Variants in MARK4 observed in about 807,000 individuals in gnomAD.
MARK4 encodes the protein microtubule affinity regulating kinase 4, also known as MAP/microtubule affinity-regulating kinase 4.
In MARK4, 19 loss-of-function variants were observed where a neutral mutation model predicts 81.5. The ratio of observed to expected loss-of-function variants is 0.23; its 90% CI spans 0.16 to 0.34. The LOEUF is 0.34. MARK4 is among the 10% of genes least tolerant of loss of function. MARK4 has a pLI of 1.00. For missense variants in MARK4, 772 were observed against 1,058.8 expected, an observed-to-expected ratio of 0.73 and a Z score of 3.76; for synonymous variants, 436 against 439.0, an observed-to-expected ratio of 0.99 and a Z score of 0.08.
chr19:45,286,911 G>A (rs536087789), intron 12 of MARK4, among the ~76,000 whole-genome samples: 24 of 152,116 alleles, frequency 1.6e-4, no homozygotes, highest in African/African-American at 4.6e-4. Context: ...TTTCCAGTCC[G>A]TCATGAAGAT....
Position 45,259,106 on chromosome 19 carries a change from G to A in MARK4, c.169G>A (p.Gly57Ser). 6.2e-7 allele frequency: 1 copy of A among 1,614,142 alleles called. No individual in the cohort carries two copies. The highest frequency in any genetic ancestry group is 1.1e-5 in the South Asian group (1 of 91,082). Residue 57 changes from glycine to serine, a missense_variant, in exon 2 of 17, where the codon GGC (glycine) becomes AGC (serine). Gly to Ser is a moderately conservative substitution (Grantham distance 56). This residue lies in a region of MARK4 where 115 missense variants were observed against 139.8 expected (regional missense o/e 0.82). Transcript: ENST00000262891. ...ASCPEEQPHVGNYRLLRTIGK... is the reference protein window; with the variant it reads ...ASCPEEQPHVSNYRLLRTIGK... ...CTGTCCCGAGGAGCAGCCCCACGTGGGCAACTACCGCCTGCTGAGGACCAT... is the reference window on the plus strand; with the variant it reads ...CTGTCCCGAGGAGCAGCCCCACGTGAGCAACTACCGCCTGCTGAGGACCAT...
intron 12 of MARK4, among the ~76,000 whole-genome samples, chr19:45,284,734 C>G (rs1404634936): frequency 6.6e-6 from 1 of 152,194 alleles, no homozygotes; most frequent in Non-Finnish European, 1.5e-5. Context: ...GGGTGGATCA[C>G]TTGAGCTCTC....
intron 6 of MARK4, among the ~76,000 whole-genome samples, 182 bp from the exon 7 acceptor site, chr19:45,266,043 A>G (rs1872259): frequency 0.29 from 43,771 of 151,456 alleles, 6,653 homozygotes; most frequent in Non-Finnish European, 0.32. Flanking sequence ...CCTGGGGGAG[A>G]CGTGTGTCTG....
intron 2 of MARK4, among the ~76,000 whole-genome samples, chr19:45,259,397 T>A (rs975798363): frequency 3.3e-5 from 5 of 152,202 alleles, no homozygotes; most frequent in African/African-American, 9.7e-5. Flanking sequence ...TCCCTGAAAT[T>A]GCCGGGAAAT....
intron 2 of MARK4, among the ~76,000 whole-genome samples, chr19:45,261,337 A>G (rs568474788): frequency 2.6e-5 from 4 of 152,192 alleles, no homozygotes; most frequent in Non-Finnish European, 4.4e-5. Flanking sequence ...TGGCAAATCA[A>G]TTAAAGAAAG....
chr19:45,261,391 C>CT (rs1295435327), intron 2 of MARK4, among the ~76,000 whole-genome samples: 2 of 152,302 alleles, frequency 1.3e-5, no homozygotes, highest in Admixed American at 6.5e-5. Context: ...ATGCAAAGTT[C>CT]TTTTCCCTTT....
At chr19:45,296,531 T>C (rs1970889541) in intron 14 of MARK4, among the ~76,000 whole-genome samples, 1 of 152,228 alleles carries the variant, frequency 6.6e-6, no homozygotes. Context: ...TCTGCTTATA[T>C]CCCATTGGCC....
Position 45,259,028 on chromosome 19 carries a change from C to T in MARK4, c.91C>T (p.Pro31Ser), listed in dbSNP as rs1568490052. ...LGSGRSSDKG[P>S]SWSSRSLGAR... ...CAGTGGCCGCTCCTCGGACAAAGGCCCGTCCTGGTCCAGCCGCTCACTGGG... is the reference window on the plus strand; with the variant it reads ...CAGTGGCCGCTCCTCGGACAAAGGCTCGTCCTGGTCCAGCCGCTCACTGGG... The change falls in exon 2 of 17, where the codon CCG becomes TCG. Residue 31 changes from proline to serine, a missense_variant. Physicochemically the swap from Pro to Ser is moderately conservative, Grantham distance 74. Coordinates refer to ENST00000262891, the MANE Select transcript of MARK4 (RefSeq NM_001199867.2). 1 of 1,613,620 alleles carries T rather than the reference C, an allele frequency of 6.2e-7. No homozygotes were observed. Among genetic ancestry groups the T allele is most frequent in the Non-Finnish European group, 8.5e-7 (1 of 1,179,998 alleles).
At chr19:45,281,738 A>C (rs1035825740) in intron 12 of MARK4, among the ~76,000 whole-genome samples, 1 of 152,164 alleles carries the variant, frequency 6.6e-6, no homozygotes, top group African/African-American at 2.4e-5. Flanking sequence ...ATCAGAGTCA[A>C]GTTTGAATTA....
intron 14 of MARK4, 115 bp downstream of exon 14, chr19:45,294,567 G>C (rs1426632666): frequency 2.3e-6 from 2 of 865,330 alleles, no homozygotes; most frequent in African/African-American, 3.3e-5. Flanking sequence ...ACCAGAGAGT[G>C]AGTGTATCTG....
At chr19:45,287,740 T>G in intron 13 of MARK4, 76 bp downstream of exon 13, 1 of 1,481,558 alleles carries the variant, frequency 6.7e-7, no homozygotes, top group Non-Finnish European at 9.3e-7. Context: ...CTTCATCTCA[T>G]TCCCCAGACG....
At position 45,271,321 on chromosome 19, in the gene MARK4, A is replaced by G; in HGVS notation, c.550-151A>G. The G allele has an allele frequency of 1.4e-6, 1 of 707,738 alleles. No individual in the cohort carries two copies. The highest frequency in any genetic ancestry group is 2.4e-6 in the Non-Finnish European group (1 of 408,392). 43.8% of individuals were successfully genotyped at this position (707,738 alleles called of 1,614,324 possible). A position where few individuals can be genotyped will look rare whatever the true frequency, so the allele number is the denominator to read the frequency against. ...AACTGAGGCTCAGTGAGGTAAAGTT[A>G]CTACCTAAGGTCAGGTAGAGAGTAA... On this transcript the variant is annotated intron_variant, in intron 7 of 16. Coordinates refer to ENST00000262891, the MANE Select transcript of MARK4 (RefSeq NM_001199867.2). The surrounding 1 kb of genome is among the most constrained non-coding windows in gnomAD (Gnocchi z 4.1).
At position 45,303,641 on chromosome 19, in the gene MARK4, T is replaced by TA. The variant is rs1158827698; in HGVS notation, c.*932dup. On this transcript the variant is annotated 3_prime_UTR_variant, in exon 17 of 17. Coordinates refer to ENST00000262891, the MANE Select transcript of MARK4 (RefSeq NM_001199867.2). ...TTACACTGGACTCTAAGCCACTTCT[T>TA]ACTCCAGTAGTAAATTTATTCAATA... The TA allele has an allele frequency of 6.6e-6, 1 of 152,194 alleles. No homozygotes were observed. Among genetic ancestry groups the TA allele is most frequent in the Non-Finnish European group, 1.5e-5 (1 of 68,050 alleles). The allele number at this position is 152,194 out of a possible 1,614,324, so 9.4% of individuals were successfully genotyped here.
intron 14 of MARK4, 132 bp from the exon 15 acceptor site, chr19:45,297,544 G>A (rs1331372795): frequency 1.3e-5 from 8 of 603,162 alleles, no homozygotes; most frequent in Admixed American, 1.2e-4. Context: ...ACAACTGTAC[G>A]TTGCAGCCCT....
intron 8 of MARK4, 57 bp from the exon 9 acceptor site, chr19:45,277,863 GTGT>G: frequency 1.4e-6 from 2 of 1,447,450 alleles, no homozygotes; most frequent in African/African-American, 3.1e-5. Context: ...GTGTGTGTGT[GTGT>G]GTGTAATAGG....
At chr19:45,299,063 C>CT (rs1970930125) in intron 15 of MARK4, among the ~76,000 whole-genome samples, 1 of 62,538 alleles carries the variant, frequency 1.6e-5, no homozygotes, top group African/African-American at 6.9e-5. Flanking sequence ...GAACCTGTCT[C>CT]TAAAAAAAAA....
At position 45,286,956 on chromosome 19, in the gene MARK4, C is replaced by CT. The variant is rs528383954; in HGVS notation, c.1277-485dup. Among the ~76,000 whole-genome samples, 5 of 152,078 alleles carry CT rather than the reference C, an allele frequency of 3.3e-5. No homozygotes were observed. The South Asian group carries it at 1.0e-3, about 32-fold the overall frequency. On this transcript the variant is annotated intron_variant, in intron 12 of 16. Transcript: ENST00000262891. ...CTGGTGCATAAAGTGCTTCCTTATT[C>CT]TTTTTTATAGCTGCATAATTTTCCA...
chr19:45,259,293 C>A, intron 2 of MARK4, 104 bp downstream of exon 2: 1 of 1,306,072 alleles, frequency 7.7e-7, no homozygotes, highest in Non-Finnish European at 1.0e-6. Flanking sequence ...GCTTTGTGGC[C>A]TCAGGTAAGT....
chr19:45,275,070 G>C (rs942484319), intron 8 of MARK4, among the ~76,000 whole-genome samples: 1 of 152,178 alleles, frequency 6.6e-6, no homozygotes, highest in Non-Finnish European at 1.5e-5. Flanking sequence ...AGACCAGCCT[G>C]GCCAACATGG....
Sources: allele counts gnomAD v4.1 joint callset (sites outside exome capture counted in the v4.1 genomes callset), GRCh38; gene constraint gnomAD v4.1.1; regional missense constraint gnomAD v4.1.1; non-coding constraint Gnocchi (gnomAD v3.1); transcripts MANE v1.5; gene names NCBI Gene and HGNC (gene_info 2026-07-23, HGNC 2026-07-21).